Variants in GPATCH2 observed in about 807,000 individuals in gnomAD.
The protein encoded by GPATCH2 is G-patch domain containing 2, also known as G patch domain-containing protein 2.
In GPATCH2, 51 loss-of-function variants were observed where a neutral mutation model predicts 58.0. The ratio of observed to expected loss-of-function variants is 0.88; its 90% CI spans 0.70 to 1.11. The LOEUF (loss-of-function observed/expected upper bound fraction) is 1.11. Among genes scored for constraint, GPATCH2 ranks in the 50% most tolerant of loss-of-function variants. GPATCH2 has a pLI of 0.00. For missense variants in GPATCH2, 625 were observed against 652.2 expected (o/e 0.96, Z 0.45); for synonymous variants, 222 against 218.5 (o/e 1.02, Z -0.14).
chr1:217,477,270 A>G (rs1421564460), intron 8 of GPATCH2, among the ~76,000 whole-genome samples: 1 of 152,114 alleles, frequency 6.6e-6, no homozygotes, highest in Admixed American at 6.5e-5. Flanking sequence ...TAAGCCTCTG[A>G]GACTTGCTAG....
chr1:217,600,648 T>C (rs1286482265), intron 5 of GPATCH2, among the ~76,000 whole-genome samples: 2 of 152,100 alleles, frequency 1.3e-5, no homozygotes, highest in Non-Finnish European at 2.9e-5. Context: ...TTTGCAGCAT[T>C]TCTGTTTCCC....
chr1:217,599,325 C>T (rs1668003815), intron 5 of GPATCH2, among the ~76,000 whole-genome samples: 1 of 151,812 alleles, frequency 6.6e-6, no homozygotes, highest in South Asian at 2.1e-4. Context: ...GGATTACAGG[C>T]AGGAAAATCA....
intron 5 of GPATCH2, chr1:217,609,771 T>A (rs1668537549): frequency 8.3e-6 from 8 of 960,116 alleles, no homozygotes; most frequent in Non-Finnish European, 7.4e-6. Context: ...AAAAATTAAT[T>A]CTTAATCAGT....
At chr1:217,516,082 CTTTT>C (rs536080787) in intron 5 of GPATCH2, among the ~76,000 whole-genome samples, 5 of 144,228 alleles carry the variant, frequency 3.5e-5, no homozygotes, top group Non-Finnish European at 6.1e-5. Flanking sequence ...TAAGCTACTC[CTTTT>C]TTTTTTTTAG....
intron 8 of GPATCH2, among the ~76,000 whole-genome samples, chr1:217,479,523 A>C (rs534342589): frequency 6.6e-5 from 10 of 152,156 alleles, no homozygotes; most frequent in Non-Finnish European, 5.9e-5. Context: ...CAGATGACAC[A>C]AAAAATAAGC....
intron 5 of GPATCH2, among the ~76,000 whole-genome samples, chr1:217,595,541 C>T (rs147739773): frequency 0.018 from 2,780 of 151,508 alleles, 41 homozygotes; most frequent in Middle Eastern, 0.083. Flanking sequence ...CTTTTGTTGC[C>T]CGGGCTGGAG....
intron 6 of GPATCH2, 57 bp from the exon 7 acceptor site, chr1:217,498,452 A>C: frequency 7.7e-7 from 1 of 1,306,746 alleles, no homozygotes; most frequent in Non-Finnish European, 1.1e-6. Context: ...ACGTGCTCTC[A>C]CATGATCGAG....
At chr1:217,498,250 G>C (rs1429778121) in intron 7 of GPATCH2, 106 bp downstream of exon 7, 1 of 866,614 alleles carries the variant, frequency 1.2e-6, no homozygotes, top group East Asian at 2.4e-5. Context: ...AAAATGAGCG[G>C]GGATTTGTAT....
At chr1:217,598,903 G>A (rs1667981944) in intron 5 of GPATCH2, among the ~76,000 whole-genome samples, 1 of 152,180 alleles carries the variant, frequency 6.6e-6, no homozygotes, top group Non-Finnish European at 1.5e-5. Flanking sequence ...TAGGTTATCT[G>A]TGAATTAATT....
chr1:217,507,873 T>G (rs1451642159), intron 6 of GPATCH2, among the ~76,000 whole-genome samples: 1 of 152,130 alleles, frequency 6.6e-6, no homozygotes, highest in Non-Finnish European at 1.5e-5. Flanking sequence ...AGTCAAATTA[T>G]TTATAAAATG....
intron 5 of GPATCH2, among the ~76,000 whole-genome samples, chr1:217,523,326 C>A (rs996784508): frequency 6.6e-6 from 1 of 151,564 alleles, no homozygotes; most frequent in Non-Finnish European, 1.5e-5. Flanking sequence ...TGCAGCCTTC[C>A]GCAGTGTTTG....
At chr1:217,606,356 C>T (rs1464308497) in intron 5 of GPATCH2, among the ~76,000 whole-genome samples, 7 of 151,350 alleles carry the variant, frequency 4.6e-5, no homozygotes, top group South Asian at 2.1e-4. Context: ...GATTCACAGA[C>T]CATATTAAAG....
At chr1:217,560,069 G>A (rs1175777619) in intron 5 of GPATCH2, among the ~76,000 whole-genome samples, 1 of 152,106 alleles carries the variant, frequency 6.6e-6, no homozygotes, top group Non-Finnish European at 1.5e-5. Flanking sequence ...GGATGGTCTC[G>A]ATCTCCTGAC....
intron 8 of GPATCH2, among the ~76,000 whole-genome samples, chr1:217,470,330 T>G (rs990262364): frequency 5.3e-5 from 8 of 152,202 alleles, no homozygotes; most frequent in African/African-American, 1.9e-4. Context: ...TGTTCATACT[T>G]TCTGGCATTT....
Position 217,520,477 on chromosome 1 carries a change from T to C in GPATCH2, c.1099-5588A>G, listed in dbSNP as rs1319461026. Among the ~76,000 whole-genome samples, 4 of 152,200 alleles carry C rather than the reference T, an allele frequency of 2.6e-5. No individual in the cohort carries two copies. The East Asian group carries it at 5.8e-4, about 22-fold the overall frequency. ...ATTCATATCTTTAAAAATGTCAATA[T>C]TGACAAACAATCTTGCTCTTATTAG... On this transcript the variant is annotated intron_variant, in intron 5 of 9. Coordinates refer to ENST00000366935, the MANE Select transcript of GPATCH2 (RefSeq NM_018040.5).
chr1:217,475,053 C>T (rs1001746550), intron 8 of GPATCH2, among the ~76,000 whole-genome samples: 24 of 152,084 alleles, frequency 1.6e-4, no homozygotes, highest in African/African-American at 5.6e-4. Flanking sequence ...TTTCAAGTTG[C>T]CCTGTGCCTA....
At chr1:217,580,871 G>A (rs1667045364) in intron 5 of GPATCH2, among the ~76,000 whole-genome samples, 1 of 95,518 alleles carries the variant, frequency 1.0e-5, no homozygotes. Flanking sequence ...AGCCGGGCGC[G>A]GTGGCGGGCG....
chr1:217,455,449 C>G (rs1294781876), intron 8 of GPATCH2, among the ~76,000 whole-genome samples: 1 of 152,114 alleles, frequency 6.6e-6, no homozygotes, highest in Non-Finnish European at 1.5e-5. Context: ...AGGCTCTACC[C>G]CTTAGATAGA....
Position 217,599,997 on chromosome 1 carries a change from T to C in GPATCH2, c.1098+10324A>G, listed in dbSNP as rs372437559. On this transcript the variant is annotated intron_variant, in intron 5 of 9. Coordinates refer to ENST00000366935, the MANE Select transcript of GPATCH2 (RefSeq NM_018040.5). The stretch of plus-strand genomic sequence containing the variant: ...CCTCAAAAAAACCAAGTAGATACCA[T>C]TAAATGTTACTACATAGTTACATGT... Among the ~76,000 whole-genome samples the C allele has an allele frequency of 5.3e-5, 8 of 152,258 alleles. No homozygotes were observed. In the East Asian group the frequency reaches 1.4e-3, roughly 26 times the overall value.
Sources: gnomAD v4.1 joint callset for allele counts (sites outside exome capture counted in the v4.1 genomes callset) on GRCh38, gnomAD v4.1.1 for gene constraint, MANE v1.5 for transcripts, NCBI Gene and HGNC (gene_info 2026-07-23, HGNC 2026-07-21) for gene names.